The following TLN2 variants were observed in gnomAD, a reference collection of about 807,000 sequenced individuals.
The protein encoded by TLN2 is talin 2, also known as talin-2.
In TLN2, 118 loss-of-function variants were observed where a neutral mutation model predicts 294.7. That is an observed-to-expected ratio of 0.40 (90% CI 0.34 to 0.47). The LOEUF is 0.47. TLN2 is among the 20% of genes least tolerant of loss of function. The pLI is 0.84. For missense variants in TLN2, 3,083 were observed against 3,282.2 expected (o/e 0.94, Z 1.48); for synonymous variants, 1,431 against 1,304.5 (o/e 1.10, Z -2.09).
intron 1 of TLN2, among the ~76,000 whole-genome samples, chr15:62,535,349 C>T (rs1457528472): frequency 6.6e-6 from 1 of 152,020 alleles, no homozygotes; most frequent in South Asian, 2.1e-4. Flanking sequence ...TAAAACCTCC[C>T]TAGGTGATCT....
chr15:62,571,740 T>C (rs943856823), intron 1 of TLN2, among the ~76,000 whole-genome samples: 1 of 152,228 alleles, frequency 6.6e-6, no homozygotes, highest in African/African-American at 2.4e-5. Flanking sequence ...CTCGATTATT[T>C]TGAAATAAAT....
At chr15:62,434,790 A>G (rs1377232711) in intron 1 of TLN2, among the ~76,000 whole-genome samples, 1 of 152,206 alleles carries the variant, frequency 6.6e-6, no homozygotes, top group Non-Finnish European at 1.5e-5. Flanking sequence ...TTTTAAGTTC[A>G]GGGGAACATG....
intron 51 of TLN2, 28 bp downstream of exon 51, chr15:62,805,813 G>C (rs1567646320): frequency 6.2e-7 from 1 of 1,600,620 alleles, no homozygotes; most frequent in African/African-American, 1.3e-5. Flanking sequence ...GTTTTGGATG[G>C]ACAGATGATT....
intron 2 of TLN2, among the ~76,000 whole-genome samples, chr15:62,615,209 C>T (rs1256450235): frequency 6.6e-6 from 1 of 152,218 alleles, no homozygotes; most frequent in Non-Finnish European, 1.5e-5. Flanking sequence ...AATCTATTGA[C>T]AGATGTCTGG....
At chr15:62,429,267 C>T (rs2034885687) in intron 1 of TLN2, among the ~76,000 whole-genome samples, 1 of 152,026 alleles carries the variant, frequency 6.6e-6, no homozygotes, top group Non-Finnish European at 1.5e-5. Flanking sequence ...GATGGTTCTG[C>T]CTGGGATATC....
At chr15:62,549,092 G>C (rs1252081164) in intron 1 of TLN2, among the ~76,000 whole-genome samples, 1 of 152,140 alleles carries the variant, frequency 6.6e-6, no homozygotes, top group East Asian at 1.9e-4. Context: ...TAGTAGGACT[G>C]TACATGTAGA....
chr15:62,651,999 C>T lies in TLN2; in HGVS notation c.235-6C>T. 1.2e-6 allele frequency: 2 copies of T among 1,602,840 alleles called. No homozygotes were observed. The highest frequency in any genetic ancestry group is 1.7e-6 in the Non-Finnish European group (2 of 1,173,402). On this transcript the variant is annotated splice_polypyrimidine_tract_variant and splice_region_variant and intron_variant, in intron 5 of 58. Coordinates refer to ENST00000636159, the MANE Select transcript of TLN2 (RefSeq NM_015059.3). Reference sequence around the variant, plus strand: ...GTGTGAAATTTGTATGTGGTTTGTGCTCTAGGATATTTTGGAATATAAAAA... The same window carrying T: ...GTGTGAAATTTGTATGTGGTTTGTGTTCTAGGATATTTTGGAATATAAAAA...
chr15:62,832,401 T>C (rs914319047), intron 54 of TLN2: 3 of 152,278 alleles, frequency 2.0e-5, no homozygotes, highest in Non-Finnish European at 4.4e-5. Context: ...CTTAACCAAA[T>C]TGACCTAGAG....
At chr15:62,835,080 TACCTC>T (rs975681861) in intron 55 of TLN2, 6 of 152,382 alleles carry the variant, frequency 3.9e-5, no homozygotes, top group Non-Finnish European at 8.8e-5. Context: ...GAGATACTCT[TACCTC>T]ACCAGGCACG....
At chr15:62,835,673 A>T (rs984087318) in intron 55 of TLN2, 64 bp from the exon 56 acceptor site, 3 of 1,584,776 alleles carry the variant, frequency 1.9e-6, no homozygotes, top group Non-Finnish European at 2.6e-6. Flanking sequence ...AGGTCTGGGG[A>T]TGAGGGGCTG....
intron 1 of TLN2, among the ~76,000 whole-genome samples, chr15:62,478,914 T>C (rs1194439698): frequency 6.6e-6 from 1 of 152,236 alleles, no homozygotes; most frequent in Admixed American, 6.5e-5. Context: ...CAGAATTAAG[T>C]TGAACCTACT....
intron 21 of TLN2, 80 bp downstream of exon 21, chr15:62,708,876 A>T: frequency 4.1e-6 from 6 of 1,475,732 alleles, no homozygotes; most frequent in Non-Finnish European, 5.4e-6. Flanking sequence ...GGGAAGGTGA[A>T]GGCTGCCTGG....
chr15:62,669,405 A>C (rs963303697), intron 9 of TLN2, among the ~76,000 whole-genome samples: 1 of 152,158 alleles, frequency 6.6e-6, no homozygotes, highest in African/African-American at 2.4e-5. Flanking sequence ...GATCTTACTG[A>C]GTCTATTAGA....
chr15:62,516,518 A>C (rs369726015), intron 1 of TLN2, among the ~76,000 whole-genome samples: 1 of 152,058 alleles, frequency 6.6e-6, no homozygotes, highest in Non-Finnish European at 1.5e-5. Flanking sequence ...GAACATATTC[A>C]CTCTATGGTG....
chr15:62,475,870 GA>G (rs537210755), intron 1 of TLN2, among the ~76,000 whole-genome samples: 43 of 152,326 alleles, frequency 2.8e-4, no homozygotes, highest in African/African-American at 1.0e-3. Flanking sequence ...CATTTGTTTA[GA>G]AACAGAGTTT....
chr15:62,652,748 C>T (rs149818287), intron 6 of TLN2, among the ~76,000 whole-genome samples: 23 of 152,154 alleles, frequency 1.5e-4, no homozygotes, highest in South Asian at 4.2e-4. Context: ...TTCTACTATA[C>T]GCGTGACTTC....
intron 16 of TLN2, among the ~76,000 whole-genome samples, chr15:62,700,122 T>TG (rs1422254748): frequency 6.6e-6 from 1 of 152,246 alleles, no homozygotes; most frequent in African/African-American, 2.4e-5. Flanking sequence ...ACATTTGCTT[T>TG]GGGGAACTCC....
chr15:62,719,889 G>C lies in TLN2; in HGVS notation c.2991+9G>C, dbSNP rs375593588. 2 of 1,599,014 alleles carry C rather than the reference G, an allele frequency of 1.3e-6. No homozygotes were observed. The highest frequency in any genetic ancestry group is 1.7e-6 in the Non-Finnish European group (2 of 1,172,294). On this transcript the variant is annotated intron_variant, in intron 25 of 58. Coordinates refer to ENST00000636159, the MANE Select transcript of TLN2 (RefSeq NM_015059.3). Reference sequence around the variant, plus strand: ...GCCAGAACTTCCTCCAGGTAACAGGGCTGTGGTCACCTTGGGCTCACTCAG... The same window carrying C: ...GCCAGAACTTCCTCCAGGTAACAGGCCTGTGGTCACCTTGGGCTCACTCAG...
chr15:62,696,816 G>A (rs28502270), intron 14 of TLN2, among the ~76,000 whole-genome samples: 14,572 of 152,234 alleles, frequency 0.096, 1,407 homozygotes, highest in African/African-American at 0.25. Flanking sequence ...TCACATGGTT[G>A]AGGCTCTAGA....
Sources: allele counts gnomAD v4.1 joint callset (sites outside exome capture counted in the v4.1 genomes callset), GRCh38; gene constraint gnomAD v4.1.1; transcripts MANE v1.5; gene names NCBI Gene and HGNC (gene_info 2026-07-23, HGNC 2026-07-21).